The following HNRNPA1 variants were observed in gnomAD, a reference collection of about 807,000 sequenced individuals.
HNRNPA1 encodes heterogeneous nuclear ribonucleoprotein A1, also known as epididymis secretory sperm binding protein.
A neutral mutation model predicts 44.4 loss-of-function variants in HNRNPA1; 7 were observed. That is an observed-to-expected ratio of 0.16 (90% CI 0.09 to 0.30). The LOEUF (loss-of-function observed/expected upper bound fraction) is 0.30. HNRNPA1 is among the 10% of genes least tolerant of loss of function. The probability of loss-of-function intolerance (pLI) is 1.00; values close to 1 mark genes in which losing one functional copy is unlikely to be tolerated. For synonymous variants in HNRNPA1, 169 were observed against 160.6 expected (o/e 1.05, Z -0.40); for missense variants, 193 against 465.8 (o/e 0.41, Z 5.39).
Position 54,285,409 on chromosome 12 carries a change from T to G in HNRNPA1, c.*865T>G, listed in dbSNP as rs965129359. On this transcript the variant is annotated 3_prime_UTR_variant, in exon 11 of 11. Coordinates refer to ENST00000340913, the MANE Select transcript of HNRNPA1 (RefSeq NM_031157.4). Reference sequence around the variant, plus strand: ...TAATGCCGCTCCATAAATCCGCAGATTTGAAGTGTCTGGGAGGCCTTTTAA... The same window carrying G: ...TAATGCCGCTCCATAAATCCGCAGAGTTGAAGTGTCTGGGAGGCCTTTTAA... The G allele has an allele frequency of 2.2e-4, 33 of 152,212 alleles. No homozygotes were observed. The highest frequency in any genetic ancestry group is 9.8e-4 in the Admixed American group (15 of 15,274). The allele number at this position is 152,212 out of a possible 1,614,324, so 9.4% of individuals were successfully genotyped here.
At chr12:54,283,541 C>T (rs1009715047) in intron 8 of HNRNPA1, among the ~76,000 whole-genome samples, 2 of 152,012 alleles carry the variant, frequency 1.3e-5, no homozygotes, top group Non-Finnish European at 2.9e-5. Context: ...GCCCTGGATC[C>T]GTGAAGGCCT....
intron 1 of HNRNPA1, 51 bp from the exon 2 acceptor site, chr12:54,281,335 A>G (rs757483485): frequency 1.0e-6 from 1 of 996,326 alleles, no homozygotes; most frequent in African/African-American, 1.6e-5. Context: ...CCTCGATGGA[A>G]ATTGTTTCGT....
chr12:54,281,302 A>G (rs1944164256), intron 1 of HNRNPA1, 84 bp from the exon 2 acceptor site: 2 of 779,262 alleles, frequency 2.6e-6, no homozygotes, highest in African/African-American at 1.7e-5. Flanking sequence ...CTAGGTACAC[A>G]GTTGGTGTCT....
chr12:54,283,128 T>G lies in HNRNPA1; in HGVS notation c.801T>G (p.Tyr267Ter). 6.2e-7 allele frequency: 1 copy of G among 1,613,604 alleles called. No individual in the cohort carries two copies. The highest frequency in any genetic ancestry group is 8.5e-7 in the Non-Finnish European group (1 of 1,179,760). Reference sequence around the variant, plus strand: ...GTTACTCTGGAGGAAGCAGAGGCTATGGAAGTGGTGGACAGGGTTATGGAA... The same window carrying G: ...GTTACTCTGGAGGAAGCAGAGGCTAGGGAAGTGGTGGACAGGGTTATGGAA... ...GPGYSGGSRG[Y>*]GSGGQGYGNQ... Residue 267 changes from tyrosine (Y) to a stop codon, truncating the protein, a stop_gained, in exon 8 of 11, where the codon TAT becomes TAG. Coordinates refer to ENST00000340913, the MANE Select transcript of HNRNPA1 (RefSeq NM_031157.4). LOFTEE classifies it high-confidence loss of function.
At chr12:54,281,203 C>A (rs941617818) in intron 1 of HNRNPA1, 183 bp from the exon 2 acceptor site, 35 of 698,810 alleles carry the variant, frequency 5.0e-5, no homozygotes, top group Middle Eastern at 4.7e-4. Context: ...CATGCGCTTG[C>A]GATTTCCTAG....
chr12:54,283,017 A>G (rs1466608787), intron 7 of HNRNPA1, 62 bp from the exon 8 acceptor site: 5 of 1,579,640 alleles, frequency 3.2e-6, no homozygotes, highest in African/African-American at 2.7e-5. Flanking sequence ...CAGCCGTTAC[A>G]CTTGCACAAG....
At chr12:54,283,054 A>G (rs1487689718) in intron 7 of HNRNPA1, 25 bp from the exon 8 acceptor site, 1 of 1,610,160 alleles carries the variant, frequency 6.2e-7, no homozygotes, top group Admixed American at 1.7e-5. Context: ...CTTTTGTCTT[A>G]TTGAGAAGAA....
intron 6 of HNRNPA1, 47 bp downstream of exon 6, chr12:54,282,712 G>C: frequency 6.3e-7 from 1 of 1,595,172 alleles, no homozygotes; most frequent in Non-Finnish European, 8.6e-7. Flanking sequence ...CACCATCTTT[G>C]CTATGAAGAT....
In HNRNPA1 at chr12:54,286,417, T is replaced by G. The variant is rs1302099444; in HGVS notation, c.*1873T>G. ...TTGGTTTTTCTGGAGATGAATTGTTTTAAATTGACACCCTATTGATGGCTC... is the reference window on the plus strand; with the variant it reads ...TTGGTTTTTCTGGAGATGAATTGTTGTAAATTGACACCCTATTGATGGCTC... On this transcript the variant is annotated 3_prime_UTR_variant, in exon 11 of 11. Coordinates refer to ENST00000340913, the MANE Select transcript of HNRNPA1 (RefSeq NM_031157.4). The G allele has an allele frequency of 2.0e-5, 3 of 152,206 alleles. No individual in the cohort carries two copies. Among genetic ancestry groups the G allele is most frequent in the Non-Finnish European group, 4.4e-5 (3 of 68,028 alleles). The allele number at this position is 152,206 out of a possible 1,614,324, so 9.4% of individuals were successfully genotyped here.
rs1944203803 is a variant in HNRNPA1, at chr12:54,283,081, G to T, written c.754G>T (p.Gly252Cys). 6.2e-7 allele frequency: 1 copy of T among 1,612,794 alleles called. No homozygotes were observed. The highest frequency in any genetic ancestry group is 8.5e-7 in the Non-Finnish European group (1 of 1,179,674). Residue 252 changes from glycine (G) to cysteine (C), a missense_variant and splice_region_variant, in exon 8 of 11, where the codon GGT (glycine) becomes TGT (cysteine). This residue lies in a region of HNRNPA1 where 136 missense variants were observed against 234.4 expected (regional missense o/e 0.58). Coordinates refer to ENST00000340913, the MANE Select transcript of HNRNPA1 (RefSeq NM_031157.4). ...TGAGAAGAATTGTATTCTTGTAGGT[G>T]GTTATGGAGGAGGCGGCCCTGGTTA... Reference protein sequence around the residue: ...DGYNGFGNDGGYGGGGPGYSG... With the variant: ...DGYNGFGNDGCYGGGGPGYSG...
chr12:54,282,037 TTTATTCG>T, intron 3 of HNRNPA1, 46 bp from the exon 4 acceptor site: 1 of 1,598,198 alleles, frequency 6.3e-7, no homozygotes. Context: ...ACCAAAATTT[TTTATTCG>T]AGTATAGGCT....
intron 7 of HNRNPA1, 78 bp downstream of exon 7, chr12:54,282,952 C>T: frequency 6.7e-7 from 1 of 1,481,720 alleles, no homozygotes; most frequent in Non-Finnish European, 9.1e-7. Context: ...GACTAAAATT[C>T]TGGTGCATGT....
rs748735817 is a variant in HNRNPA1 at position 54,282,681 on chromosome 12, C to G, written c.676+16C>G. 1 of 1,606,332 alleles carries G rather than the reference C, an allele frequency of 6.2e-7. No homozygotes were observed. The highest frequency in any genetic ancestry group is 1.1e-5 in the South Asian group (1 of 90,880). On this transcript the variant is annotated intron_variant, in intron 6 of 10. Transcript: ENST00000340913. ...AGTGGTCGTGGTATGTATGGTTTAT[C>G]TACATGTAGTTCTGACTTCTCACCA... is the stretch of plus-strand genomic sequence containing the variant.
chr12:54,283,262 G>C (rs1944207559), intron 8 of HNRNPA1, 28 bp downstream of exon 8: 1 of 1,607,578 alleles, frequency 6.2e-7, no homozygotes, highest in Non-Finnish European at 8.5e-7. Flanking sequence ...CAAGTACTTG[G>C]TGTGACAGCT....
chr12:54,282,308 T>A lies in HNRNPA1; in HGVS notation c.490+8T>A. ...CCGTGGATAAGATTGTCAGTAAGTATCAGATAGTGGCATTTAGTAAGGGTT... is the reference window on the plus strand; with the variant it reads ...CCGTGGATAAGATTGTCAGTAAGTAACAGATAGTGGCATTTAGTAAGGGTT... On this transcript the variant is annotated splice_region_variant and intron_variant, in intron 4 of 10. Transcript: ENST00000340913. 1 of 1,613,642 alleles carries A rather than the reference T, an allele frequency of 6.2e-7. No homozygotes were observed. The highest frequency in any genetic ancestry group is 8.5e-7 in the Non-Finnish European group (1 of 1,179,652).
rs78587033 is a variant in HNRNPA1 at position 54,282,127 on chromosome 12, A to G, written c.317A>G (p.Lys106Arg). ...QRPGAHLTVK[K>R]IFVGGIKEDT... ...CCAGGTGCCCACTTAACTGTGAAAA[A>G]GATATTTGTTGGTGGCATTAAAGAA... Residue 106 changes from lysine (K) to arginine (R), a missense_variant, in exon 4 of 11, where the codon AAG becomes AGG. Physicochemically the swap from Lys to Arg is conservative, Grantham distance 26 (BLOSUM62 2). Around this residue, in one of 2 missense-constraint regions of HNRNPA1, gnomAD observed 57 missense variants for 231.3 expected, o/e 0.25. Coordinates refer to ENST00000340913, the MANE Select transcript of HNRNPA1 (RefSeq NM_031157.4). 6.2e-7 allele frequency: 1 copy of G among 1,608,846 alleles called. No homozygotes were observed. The highest frequency in any genetic ancestry group is 8.5e-7 in the Non-Finnish European group (1 of 1,177,202).
In HNRNPA1 at chr12:54,286,444, C is replaced by T. The variant is rs977301058; in HGVS notation, c.*1900C>T. ...AAATTGACACCCTATTGATGGCTCC[C>T]AGTTGAAGGAAGTGAGCACATTATT... is the stretch of plus-strand genomic sequence containing the variant. On this transcript the variant is annotated 3_prime_UTR_variant, in exon 11 of 11. Transcript: ENST00000340913. 3.3e-5 allele frequency: 5 copies of T among 152,144 alleles called. No homozygotes were observed. Among genetic ancestry groups the T allele is most frequent in the African/African-American group, 1.2e-4 (5 of 41,412 alleles). The allele number at this position is 152,144 out of a possible 1,614,324, so 9.4% of individuals were successfully genotyped here. A position where few individuals can be genotyped will look rare whatever the true frequency, so the allele number is the denominator to read the frequency against.
In HNRNPA1 at chr12:54,285,106, G is replaced by A. The variant is rs1374704715; in HGVS notation, c.*562G>A. 1 of 159,620 alleles carries A rather than the reference G, an allele frequency of 6.3e-6. No individual in the cohort carries two copies. The highest frequency in any genetic ancestry group is 1.4e-5 in the Non-Finnish European group (1 of 71,994). 9.9% of individuals were successfully genotyped at this position (159,620 alleles called of 1,614,324 possible). A position where few individuals can be genotyped will look rare whatever the true frequency, so the allele number is the denominator to read the frequency against. Reference sequence around the variant, plus strand: ...AAGGGATTACCCAAGCAAAATCATGGAATGGTTATAAAAGTGATTGTTGGC... The same window carrying A: ...AAGGGATTACCCAAGCAAAATCATGAAATGGTTATAAAAGTGATTGTTGGC... On this transcript the variant is annotated 3_prime_UTR_variant, in exon 11 of 11. Transcript: ENST00000340913.
At chr12:54,282,019 C>T (rs914684684) in intron 3 of HNRNPA1, 71 bp from the exon 4 acceptor site, 1 of 1,599,312 alleles carries the variant, frequency 6.3e-7, no homozygotes, top group African/African-American at 1.4e-5. Flanking sequence ...CGGGAGTTTT[C>T]TAAACTTACC....
Sources: gnomAD v4.1 joint callset for allele counts (sites outside exome capture counted in the v4.1 genomes callset) on GRCh38, gnomAD v4.1.1 for gene constraint, gnomAD v4.1.1 regional missense constraint, MANE v1.5 for transcripts, NCBI Gene and HGNC (gene_info 2026-07-23, HGNC 2026-07-21) for gene names.